Variants in REEP1 observed in about 807,000 individuals in gnomAD.
The protein encoded by REEP1 is receptor accessory protein 1, also known as receptor expression-enhancing protein 1.
Under a neutral mutation model 40.3 loss-of-function variants are expected in REEP1, and 22 were observed. The ratio of observed to expected loss-of-function variants is 0.55; its 90% CI spans 0.39 to 0.78. The LOEUF is 0.78. Among genes scored for constraint, REEP1 ranks in the 30% least tolerant of loss-of-function variants. The probability of loss-of-function intolerance (pLI) is 0.00; values close to 1 mark genes in which losing one functional copy is unlikely to be tolerated. For synonymous variants in REEP1, 116 were observed against 139.2 expected (o/e 0.83, Z 1.17); for missense variants, 280 against 361.1 (o/e 0.78, Z 1.82).
intron 2 of REEP1, among the ~76,000 whole-genome samples, chr2:86,270,903 T>C (rs561586732): frequency 6.7e-5 from 10 of 149,532 alleles, no homozygotes; most frequent in Non-Finnish European, 1.0e-4. Flanking sequence ...TAAAATTTGA[T>C]TAAAAAAAAA....
chr2:86,306,777 C>T (rs1022265493), intron 1 of REEP1, among the ~76,000 whole-genome samples: 3 of 152,160 alleles, frequency 2.0e-5, no homozygotes, highest in African/African-American at 7.2e-5. Flanking sequence ...TTCTTACAGG[C>T]CTCACACTGC....
intron 5 of REEP1, among the ~76,000 whole-genome samples, chr2:86,239,702 G>T (rs945511708): frequency 2.0e-5 from 3 of 152,186 alleles, no homozygotes; most frequent in African/African-American, 7.2e-5. Flanking sequence ...CAGAGAAGGA[G>T]AATTTCTACT....
intron 1 of REEP1, among the ~76,000 whole-genome samples, chr2:86,311,172 C>T (rs1573030117): frequency 6.6e-6 from 1 of 152,106 alleles, no homozygotes; most frequent in Admixed American, 6.5e-5. Flanking sequence ...CCAATGCAAA[C>T]TTCTAGATGG....
intron 5 of REEP1, among the ~76,000 whole-genome samples, chr2:86,239,225 A>G (rs984357363): frequency 6.6e-6 from 1 of 151,196 alleles, no homozygotes; most frequent in African/African-American, 2.4e-5. Flanking sequence ...AAAAAAAAAA[A>G]AAAAAAAAGA....
At chr2:86,291,126 A>C (rs1863063) in intron 1 of REEP1, among the ~76,000 whole-genome samples, 74,685 of 151,970 alleles carry the variant, frequency 0.49, 18,752 homozygotes, top group African/African-American at 0.59. Flanking sequence ...AAAGTCAAAC[A>C]CATGTCTAAC....
At chr2:86,297,603 C>A in intron 1 of REEP1, 4 of 690,984 alleles carry the variant, frequency 5.8e-6, no homozygotes, top group Non-Finnish European at 7.1e-6. Flanking sequence ...GCTGGGAGAC[C>A]AAGAACAGCC....
chr2:86,331,138 C>T (rs923165960), intron 1 of REEP1, among the ~76,000 whole-genome samples: 5 of 152,174 alleles, frequency 3.3e-5, no homozygotes, highest in African/African-American at 1.2e-4. Context: ...TACTTATGGA[C>T]TTTCTCCACG....
chr2:86,300,707 T>C (rs928105001), intron 1 of REEP1, among the ~76,000 whole-genome samples: 3 of 152,202 alleles, frequency 2.0e-5, no homozygotes, highest in Non-Finnish European at 2.9e-5. Context: ...AAAGAGTTGT[T>C]GTTTTGGCTC....
intron 7 of REEP1, among the ~76,000 whole-genome samples, chr2:86,224,409 AGTAGAGACT>A (rs1674583837): frequency 1.3e-5 from 2 of 152,220 alleles, no homozygotes; most frequent in Non-Finnish European, 2.9e-5. Flanking sequence ...TGCACAATCC[AGTAGAGACT>A]GTCAGAGCTG....
rs1409219029 is a variant in REEP1 at position 86,337,602 on chromosome 2, A to G, written c.-92T>C. ...CTGCGGCGTTCCCGGAACGTCAGTC[A>G]GCTCACGGCAGCCGCCGCCAGACTG... On this transcript the variant is annotated 5_prime_UTR_variant, in exon 1 of 9. Coordinates refer to ENST00000538924, the MANE Select transcript of REEP1 (RefSeq NM_001371279.1). This position sits in a 1 kb window ranked among gnomAD's most constrained non-coding sequence, Gnocchi z 5.8. 3.5e-6 allele frequency: 4 copies of G among 1,142,352 alleles called. No individual in the cohort carries two copies. The highest frequency in any genetic ancestry group is 4.3e-6 in the Non-Finnish European group (4 of 930,962). The allele number at this position is 1,142,352 out of a possible 1,614,324, so 70.8% of individuals were successfully genotyped here.
chr2:86,231,236 G>C (rs570188428), intron 6 of REEP1, among the ~76,000 whole-genome samples: 72 of 152,302 alleles, frequency 4.7e-4, no homozygotes, highest in Non-Finnish European at 8.4e-4. Flanking sequence ...CATTCCTGGG[G>C]GGGGGTCCCT....
At chr2:86,227,269 A>C (rs1432777478) in intron 7 of REEP1, 94 bp downstream of exon 7, 8 of 1,048,290 alleles carry the variant, frequency 7.6e-6, no homozygotes, top group Non-Finnish European at 6.1e-6. Context: ...CATGCAGCTG[A>C]AAGGGAGCCC....
intron 4 of REEP1, 90 bp downstream of exon 4, chr2:86,254,604 G>A (rs1367416388): frequency 9.9e-6 from 14 of 1,410,210 alleles, no homozygotes; most frequent in Non-Finnish European, 1.3e-5. Context: ...AGCCAAATGA[G>A]AAGTCTCCTG....
Position 86,266,673 on chromosome 2 carries a change from AAATAAAT to A in REEP1, c.106-2639_106-2633del, listed in dbSNP as rs1409757646. ...AATAAAAAAAATAAAATAAATAAAT[AAATAAAT>A]AAAGATATACTACCAAAAGCACACA... On this transcript the variant is annotated intron_variant, in intron 2 of 8. Coordinates refer to ENST00000538924, the MANE Select transcript of REEP1 (RefSeq NM_001371279.1). Among the ~76,000 whole-genome samples, 1,490 of 151,000 alleles carry A rather than the reference AAATAAAT, an allele frequency of 9.9e-3. 16 individuals carry two copies. Among genetic ancestry groups the A allele is most frequent in the African/African-American group, 0.033 (1,347 of 41,432 alleles).
intron 2 of REEP1, among the ~76,000 whole-genome samples, chr2:86,277,882 G>A (rs1357208235): frequency 6.6e-6 from 1 of 152,180 alleles, no homozygotes; most frequent in Non-Finnish European, 1.5e-5. Flanking sequence ...AAAACTGATT[G>A]CAATGCATAT....
At chr2:86,235,173 T>G (rs1194718554) in intron 5 of REEP1, among the ~76,000 whole-genome samples, 2 of 152,180 alleles carry the variant, frequency 1.3e-5, no homozygotes, top group African/African-American at 4.8e-5. Flanking sequence ...ACAGTTTGAT[T>G]TCTGAGAAAG....
At chr2:86,295,319 TAGG>T (rs1343437716) in intron 1 of REEP1, among the ~76,000 whole-genome samples, 1 of 152,176 alleles carries the variant, frequency 6.6e-6, no homozygotes, top group African/African-American at 2.4e-5. Context: ...GCAGATGACT[TAGG>T]AGAGCCACTG....
At chr2:86,254,655 C>T in intron 4 of REEP1, 39 bp downstream of exon 4, 1 of 1,602,022 alleles carries the variant, frequency 6.2e-7, no homozygotes, top group Non-Finnish European at 8.5e-7. Flanking sequence ...TATTTTCTCA[C>T]TTGCTAGAAA....
intron 1 of REEP1, among the ~76,000 whole-genome samples, chr2:86,306,222 T>C (rs1202106109): frequency 6.6e-6 from 1 of 152,104 alleles, no homozygotes; most frequent in Non-Finnish European, 1.5e-5. Flanking sequence ...AAAACCAACA[T>C]ACCACATAAA....
Sources: gnomAD v4.1 joint callset for allele counts (sites outside exome capture counted in the v4.1 genomes callset) on GRCh38, gnomAD v4.1.1 for gene constraint, Gnocchi (gnomAD v3.1) non-coding constraint, MANE v1.5 for transcripts, NCBI Gene and HGNC (gene_info 2026-07-23, HGNC 2026-07-21) for gene names.